The following RYR1 variants were observed in gnomAD, a reference collection of about 807,000 sequenced individuals.
The protein encoded by RYR1 is central core disease of muscle.
RYR1 carries 342 observed loss-of-function variants against 583.5 expected under a neutral mutation model. The observed-to-expected ratio is 0.59, with a 90% confidence interval of 0.54 to 0.64. The LOEUF (loss-of-function observed/expected upper bound fraction) is 0.64, where lower values mean the gene tolerates loss of function less well. RYR1 is among the 30% of genes least tolerant of loss of function. RYR1 has a pLI of 0.00. For synonymous variants in RYR1, 2,791 were observed against 2,822.5 expected, an observed-to-expected ratio of 0.99 and a Z score of 0.35; for missense variants, 6,032 against 6,917.2, an observed-to-expected ratio of 0.87 and a Z score of 4.54.
intron 49 of RYR1, 86 bp from the exon 50 acceptor site, chr19:38,504,134 C>T (rs1970329175): frequency 3.5e-6 from 5 of 1,429,004 alleles, no homozygotes; most frequent in Non-Finnish European, 3.9e-6. Context: ...AAAGCACTGG[C>T]ATGCCTGTGT....
chr19:38,565,706 G>A lies in RYR1; in HGVS notation c.13372G>A (p.Gly4458Arg). 1.4e-6 allele frequency: 2 copies of A among 1,426,210 alleles called. No homozygotes were observed. Among genetic ancestry groups the A allele is most frequent in the Non-Finnish European group, 9.1e-7 (1 of 1,098,400 alleles). The allele number at this position is 1,426,210 out of a possible 1,614,324, so 88.3% of individuals were successfully genotyped here. The change falls in exon 91 of 106, where the codon GGG becomes AGG. Residue 4458 changes from glycine to arginine, a missense_variant. By Grantham distance (125) the Gly-to-Arg change is moderately radical. Transcript: ENST00000359596. This position sits in a 1 kb window ranked among gnomAD's most constrained non-coding sequence, Gnocchi z 4.7. ...AGGGGCTGGCGGTCTCGGGGACATG[G>A]GGGACACGACGCCTGCGGAACCGCC... ...PEGAGGLGDM[G>R]DTTPAEPPTP... is the part of the protein sequence containing the mutation.
At chr19:38,506,751 G>A (rs1447417663) in intron 56 of RYR1, 78 bp from the exon 57 acceptor site, 4 of 1,598,760 alleles carry the variant, frequency 2.5e-6, no homozygotes, top group African/African-American at 1.4e-5. Flanking sequence ...TACGCATGCC[G>A]GGCACTGCAG....
In RYR1 at chr19:38,506,556, C is replaced by T. The variant is rs1197451799; in HGVS notation, c.8692+10C>T. 3.7e-6 allele frequency: 6 copies of T among 1,613,474 alleles called. No individual in the cohort carries two copies. The Admixed American group carries it at 1.0e-4, about 27-fold the overall frequency. On this transcript the variant is annotated intron_variant, in intron 56 of 105. Transcript: ENST00000359596. ...GAGCTGGAAGCCAAAGGTGAGGGCGCCCATGCCGCCCCCACGCTACCCCCG... is the reference window on the plus strand; with the variant it reads ...GAGCTGGAAGCCAAAGGTGAGGGCGTCCATGCCGCCCCCACGCTACCCCCG...
At chr19:38,468,870 A>T in intron 25 of RYR1, 96 bp from the exon 26 acceptor site, 1 of 1,310,378 alleles carries the variant, frequency 7.6e-7, no homozygotes, top group South Asian at 1.2e-5. Flanking sequence ...GACACTTCGA[A>T]TGTCTGTCTT....
intron 99 of RYR1, among the ~76,000 whole-genome samples, chr19:38,578,789 T>TCAA (rs922821113): frequency 2.6e-5 from 4 of 151,330 alleles, no homozygotes; most frequent in South Asian, 4.2e-4. Flanking sequence ...AGAATCCATC[T>TCAA]CAACAACAAC....
At chr19:38,472,393 G>T (rs960197284) in intron 27 of RYR1, among the ~76,000 whole-genome samples, 13 of 152,110 alleles carry the variant, frequency 8.5e-5, no homozygotes, top group Admixed American at 8.5e-4. Context: ...GAGCCACTGC[G>T]CCCTGTCGCT....
chr19:38,475,687 T>C (rs1350072971), intron 29 of RYR1, among the ~76,000 whole-genome samples: 4 of 152,202 alleles, frequency 2.6e-5, no homozygotes, highest in South Asian at 2.1e-4. Context: ...AGCACACTGA[T>C]ATAACTCCTG....
chr19:38,455,812 G>A (rs1967345428), intron 16 of RYR1, 61 bp downstream of exon 16: 3 of 1,036,964 alleles, frequency 2.9e-6, no homozygotes, highest in Admixed American at 1.7e-5. Context: ...TCTCCCCAGG[G>A]CTCCAGAACT....
rs539771856 is a variant in RYR1 at position 38,438,498 on chromosome 19, C to T, written c.46-2247C>T. On this transcript the variant is annotated intron_variant, in intron 1 of 105. Coordinates refer to ENST00000359596, the MANE Select transcript of RYR1 (RefSeq NM_000540.3). ...TCGATTTCCCAGGCTTGGCAGTCCT[C>T]CCACCTCAGCCTCCCGAGTAGCAGG... is the stretch of plus-strand genomic sequence containing the variant. Among the ~76,000 whole-genome samples the T allele has an allele frequency of 1.3e-4, 20 of 151,828 alleles. No homozygotes were observed. The South Asian group carries it at 4.0e-3, about 30-fold the overall frequency.
chr19:38,533,798 A>C lies in RYR1; in HGVS notation c.11260-922A>C, dbSNP rs182648353. On this transcript the variant is annotated intron_variant, in intron 78 of 105. Transcript: ENST00000359596. The stretch of plus-strand genomic sequence containing the variant: ...GACTCCATCTCAAAAAAAAAAAAAA[A>C]AGATCTAGCAGTAGATCCAACAGCT... 2.0e-4 allele frequency among the ~76,000 whole-genome samples: 31 copies of C among 152,006 alleles called. No individual in the cohort carries two copies. In the East Asian group the frequency reaches 6.0e-3, roughly 29 times the overall value.
At chr19:38,453,156 A>G (rs2145382678) in intron 13 of RYR1, 142 bp downstream of exon 13, 1 of 741,080 alleles carries the variant, frequency 1.3e-6, no homozygotes, top group South Asian at 1.8e-5. Flanking sequence ...CAGGAGAAGG[A>G]GCCGGACAGG....
intron 82 of RYR1, among the ~76,000 whole-genome samples, chr19:38,536,453 C>T: frequency 6.6e-6 from 1 of 151,554 alleles, no homozygotes; most frequent in Non-Finnish European, 1.5e-5. Flanking sequence ...TCTAACCTTT[C>T]TACCCGGATC....
At chr19:38,471,309 A>G (rs1350513998) in intron 27 of RYR1, among the ~76,000 whole-genome samples, 1 of 152,148 alleles carries the variant, frequency 6.6e-6, no homozygotes, top group East Asian at 1.9e-4. Flanking sequence ...TGGGAGGATC[A>G]CTTGAGCCTA....
At chr19:38,528,557 G>A in intron 74 of RYR1, 42 bp from the exon 75 acceptor site, 1 of 1,608,168 alleles carries the variant, frequency 6.2e-7, no homozygotes, top group Non-Finnish European at 8.5e-7. Context: ...GGGAAGCACG[G>A]AGGAGGGCGC....
Position 38,572,123 on chromosome 19 carries a change from AGAG to A in RYR1, c.13856_13858del (p.Glu4619del). 6.2e-7 allele frequency: 1 copy of A among 1,614,056 alleles called. No homozygotes were observed. Among genetic ancestry groups the A allele is most frequent in the South Asian group, 1.1e-5 (1 of 91,084 alleles). On this transcript the variant is annotated inframe_deletion, in exon 95 of 106. Transcript: ENST00000359596. ...GCTCTGGCTGGGGCTTGGGGGCCGGAGAGGAGGCAGAGGGCGATGAGGATGAGA... is the reference window on the plus strand; with the variant it reads ...GCTCTGGCTGGGGCTTGGGGGCCGGAGAGGCAGAGGGCGATGAGGATGAGA...
At chr19:38,569,060 G>C (rs978312697) in intron 93 of RYR1, among the ~76,000 whole-genome samples, 4 of 152,122 alleles carry the variant, frequency 2.6e-5, no homozygotes, top group Non-Finnish European at 5.9e-5. Flanking sequence ...GCCCAGGTTG[G>C]AGTGCAGTGG....
intron 96 of RYR1, among the ~76,000 whole-genome samples, chr19:38,573,635 G>A (rs1300016400): frequency 2.0e-5 from 3 of 150,594 alleles, no homozygotes; most frequent in Non-Finnish European, 4.4e-5. Flanking sequence ...AGCCGAGATC[G>A]CACCATTACA....
Position 38,500,459 on chromosome 19 carries a change from C to A in RYR1, c.7324-147C>A, listed in dbSNP as rs1248699900. On this transcript the variant is annotated intron_variant, in intron 45 of 105. Coordinates refer to ENST00000359596, the MANE Select transcript of RYR1 (RefSeq NM_000540.3). This position sits in a 1 kb window ranked among gnomAD's most constrained non-coding sequence, Gnocchi z 5.9. ...CGGGACTGGGGTGGGGGGGCACAGG[C>A]AGAGGAACGAGGGCTGGAAACTCTA... 8.6e-7 allele frequency: 1 copy of A among 1,161,626 alleles called. No homozygotes were observed. Among genetic ancestry groups the A allele is most frequent in the Non-Finnish European group, 1.2e-6 (1 of 804,750 alleles). 72.0% of individuals were successfully genotyped at this position (1,161,626 alleles called of 1,614,324 possible).
chr19:38,545,683 A>G (rs1021868998), intron 87 of RYR1, among the ~76,000 whole-genome samples: 2 of 152,120 alleles, frequency 1.3e-5, no homozygotes, highest in Middle Eastern at 3.2e-3. Flanking sequence ...ATGGTGGCGC[A>G]TGCCTGTAAT....
Sources: gnomAD v4.1 joint callset for allele counts (sites outside exome capture counted in the v4.1 genomes callset) on GRCh38, gnomAD v4.1.1 for gene constraint, Gnocchi (gnomAD v3.1) non-coding constraint, MANE v1.5 for transcripts, NCBI Gene and HGNC (gene_info 2026-07-23, HGNC 2026-07-21) for gene names.